Variants in CHRNA2 observed in about 807,000 individuals in gnomAD.
CHRNA2 encodes the protein neuronal acetylcholine receptor subunit alpha-2.
CHRNA2 carries 40 observed loss-of-function variants against 45.5 expected under a neutral mutation model. The observed-to-expected ratio is 0.88, with a 90% CI of 0.68 to 1.15. The LOEUF is 1.15. CHRNA2 is among the 50% of genes most tolerant of loss of function. The pLI is 0.00. For synonymous variants in CHRNA2, 301 were observed against 296.7 expected, an observed-to-expected ratio of 1.01 and a Z score of -0.15; for missense variants, 655 against 701.7, an observed-to-expected ratio of 0.93 and a Z score of 0.75.
In CHRNA2 at chr8:27,469,806, C is replaced by G; in HGVS notation, c.249G>C (p.Val83=). The part of the protein sequence containing the change: ...WARPVPNTSD[V]VIVRFGLSIA... ...TGGACAGTCCAAAGCGCACAATCAC[C>G]ACGTCTGAAGTGTTGGGCACCGGGC... Residue 83 remains valine (V), a synonymous_variant, in exon 3 of 7, where the codon GTG becomes GTC. Coordinates refer to ENST00000407991, the MANE Select transcript of CHRNA2 (RefSeq NM_000742.4). 6.2e-7 allele frequency: 1 copy of G among 1,614,156 alleles called. No individual in the cohort carries two copies. Among genetic ancestry groups the G allele is most frequent in the Non-Finnish European group, 8.5e-7 (1 of 1,180,040 alleles).
chr8:27,467,845 G>A (rs1812747213), intron 4 of CHRNA2, among the ~76,000 whole-genome samples: 1 of 152,268 alleles, frequency 6.6e-6, no homozygotes, highest in Middle Eastern at 3.4e-3. Context: ...TGAGGCAGGG[G>A]TGTTACCCGG....
chr8:27,466,305 C>A (rs60067328), intron 5 of CHRNA2, among the ~76,000 whole-genome samples: 10,784 of 152,188 alleles, frequency 0.071, 864 homozygotes, highest in African/African-American at 0.2. Context: ...TTATTTCTTT[C>A]TTTAAAGATA....
intron 2 of CHRNA2, 143 bp from the exon 3 acceptor site, chr8:27,470,124 C>A (rs1299453026): frequency 2.4e-6 from 2 of 829,924 alleles, no homozygotes; most frequent in Non-Finnish European, 4.0e-6. Flanking sequence ...ACAGCATGAG[C>A]AGGCTGCGGG....
rs1437036500 is a variant in CHRNA2 at position 27,462,858 on chromosome 8, G to A, written c.1464+121C>T. On this transcript the variant is annotated intron_variant, in intron 6 of 6. Transcript: ENST00000407991. ...TTTATTCCATCTAAGGACCATGACT[G>A]AGGAAAGTGGGCCTTCACGAGAGGG... 5 of 1,188,378 alleles carry A rather than the reference G, an allele frequency of 4.2e-6. 1 individual carries two copies. Among genetic ancestry groups the A allele is most frequent in the South Asian group, 3.7e-5 (3 of 80,166 alleles). 73.6% of individuals were successfully genotyped at this position (1,188,378 alleles called of 1,614,324 possible).
chr8:27,472,542 A>G (rs1812920743), intron 1 of CHRNA2, among the ~76,000 whole-genome samples: 1 of 152,168 alleles, frequency 6.6e-6, no homozygotes, highest in African/African-American at 2.4e-5. Flanking sequence ...GCAGAGAAAA[A>G]CAGTTTGTGG....
At chr8:27,477,005 A>G (rs1813080887) in intron 1 of CHRNA2, among the ~76,000 whole-genome samples, 1 of 152,178 alleles carries the variant, frequency 6.6e-6, no homozygotes, top group Non-Finnish European at 1.5e-5. Flanking sequence ...TAAAAAAAAA[A>G]AAAAACTGAT....
At chr8:27,473,804 C>A (rs1812975483) in intron 1 of CHRNA2, among the ~76,000 whole-genome samples, 1 of 152,082 alleles carries the variant, frequency 6.6e-6, no homozygotes, top group Non-Finnish European at 1.5e-5. Context: ...TCATTCTCAT[C>A]CCCCCCGTCC....
chr8:27,466,986 CCT>C (rs1812716246), intron 5 of CHRNA2, among the ~76,000 whole-genome samples: 1 of 152,174 alleles, frequency 6.6e-6, no homozygotes, highest in African/African-American at 2.4e-5. Context: ...AATCTCTGTC[CCT>C]CTAGCACAGT....
chr8:27,479,259 CACACAT>C (rs1554517016), exon 1 of CHRNA2: 21,956 of 148,584 alleles, frequency 0.15, 1,885 homozygotes, highest in Non-Finnish European at 0.19. Context: ...CACACACACA[CACACAT>C]ACACACACAC....
chr8:27,465,741 T>A (rs562124632), intron 5 of CHRNA2, among the ~76,000 whole-genome samples: 3 of 152,270 alleles, frequency 2.0e-5, no homozygotes, highest in Middle Eastern at 3.4e-3. Flanking sequence ...AAACAAAAAA[T>A]TTTTAAGCAT....
chr8:27,465,774 C>T (rs1172491281), intron 5 of CHRNA2, among the ~76,000 whole-genome samples: 1 of 152,076 alleles, frequency 6.6e-6, no homozygotes, highest in East Asian at 1.9e-4. Flanking sequence ...AAACAATGAC[C>T]ACTAGATGGC....
At chr8:27,466,800 AAAC>A (rs1480651388) in intron 5 of CHRNA2, among the ~76,000 whole-genome samples, 1 of 152,228 alleles carries the variant, frequency 6.6e-6, no homozygotes, top group African/African-American at 2.4e-5. Flanking sequence ...GACAACTACA[AAAC>A]AACATGATTG....
At chr8:27,478,638 T>C (rs966482568) in intron 1 of CHRNA2, among the ~76,000 whole-genome samples, 186 bp downstream of exon 1, 30 of 152,180 alleles carry the variant, frequency 2.0e-4, no homozygotes, top group African/African-American at 6.5e-4. Flanking sequence ...CATCGTCACC[T>C]GGCTGTGGAC....
At chr8:27,474,667 A>G (rs1813006444) in intron 1 of CHRNA2, among the ~76,000 whole-genome samples, 1 of 152,260 alleles carries the variant, frequency 6.6e-6, no homozygotes, top group South Asian at 2.1e-4. Flanking sequence ...GGCCTGGTAC[A>G]CACAGCCCCA....
rs941921220 is a variant in CHRNA2 at position 27,459,912 on chromosome 8, G to A, written c.*1717C>T. ...GAGGCCTCCGGAGAGCAAGTGGGAGGAGAGGGGGCGCTGGGGGCTGCATGC... is the reference window on the plus strand; with the variant it reads ...GAGGCCTCCGGAGAGCAAGTGGGAGAAGAGGGGGCGCTGGGGGCTGCATGC... On this transcript the variant is annotated 3_prime_UTR_variant, in exon 7 of 7. Coordinates refer to ENST00000407991, the MANE Select transcript of CHRNA2 (RefSeq NM_000742.4). 1 of 152,722 alleles carries A rather than the reference G, an allele frequency of 6.5e-6. No individual in the cohort carries two copies. The highest frequency in any genetic ancestry group is 1.5e-5 in the Non-Finnish European group (1 of 68,458). The allele number at this position is 152,722 out of a possible 1,614,324, so 9.5% of individuals were successfully genotyped here. A position where few individuals can be genotyped will look rare whatever the true frequency, so the allele number is the denominator to read the frequency against.
In CHRNA2 at chr8:27,461,530, C is replaced by T. The variant is rs1812485719; in HGVS notation, c.*99G>A. 1.9e-6 allele frequency: 3 copies of T among 1,550,582 alleles called. No individual in the cohort carries two copies. The highest frequency in any genetic ancestry group is 1.7e-5 in the Admixed American group (1 of 58,264). Reference sequence around the variant, plus strand: ...AGTGTCCAGACTCCGCGGAGAGGCACCTGCTCATCCCAAAGGGGACACCAG... The same window carrying T: ...AGTGTCCAGACTCCGCGGAGAGGCATCTGCTCATCCCAAAGGGGACACCAG... On this transcript the variant is annotated 3_prime_UTR_variant, in exon 7 of 7. Transcript: ENST00000407991.
chr8:27,479,054 C>A lies in CHRNA2; in HGVS notation c.-367G>T, dbSNP rs1284197177. On this transcript the variant is annotated 5_prime_UTR_variant, in exon 1 of 7. Coordinates refer to ENST00000407991, the MANE Select transcript of CHRNA2 (RefSeq NM_000742.4). ...ATTTGGCTTCCCGGGGACAGCTGGG[C>A]AAGCTCTGCAGAGAGGTGGGTTTTC... 1 of 152,212 alleles carries A rather than the reference C, an allele frequency of 6.6e-6. No homozygotes were observed. Among genetic ancestry groups the A allele is most frequent in the African/African-American group, 2.4e-5 (1 of 41,404 alleles). The allele number at this position is 152,212 out of a possible 1,614,324, so 9.4% of individuals were successfully genotyped here.
chr8:27,479,235 T>TTCTC lies in CHRNA2; in HGVS notation c.-552_-549dup, dbSNP rs150699126. 2.0e-5 allele frequency: 3 copies of TTCTC among 152,412 alleles called. No individual in the cohort carries two copies. Among genetic ancestry groups the TTCTC allele is most frequent in the East Asian group, 1.9e-4 (1 of 5,222 alleles). The allele number at this position is 152,412 out of a possible 1,614,324, so 9.4% of individuals were successfully genotyped here. ...CACACAAGCACACAGGCTCACGCTG[T>TTCTC]TCTCTCTCTCTCTCACACACACACA... is the stretch of plus-strand genomic sequence containing the variant. On this transcript the variant is annotated 5_prime_UTR_variant, in exon 1 of 7. Transcript: ENST00000407991.
chr8:27,461,892 C>T (rs777645463), intron 6 of CHRNA2, 138 bp from the exon 7 acceptor site: 4 of 1,212,876 alleles, frequency 3.3e-6, no homozygotes, highest in Non-Finnish European at 2.4e-6. Context: ...CAAAGGTCAG[C>T]ACAGGGAGCG....
Sources: gnomAD v4.1 joint callset for allele counts (sites outside exome capture counted in the v4.1 genomes callset) on GRCh38, gnomAD v4.1.1 for gene constraint, MANE v1.5 for transcripts, NCBI Gene and HGNC (gene_info 2026-07-23, HGNC 2026-07-21) for gene names.